DLG2: variants seen among roughly 807,000 people sequenced by gnomAD.
The protein encoded by DLG2 is discs large MAGUK scaffold protein 2.
In DLG2, 45 loss-of-function variants were observed where a neutral mutation model predicts 132.5. The observed-to-expected ratio is 0.34, with a 90% CI of 0.27 to 0.44. The LOEUF (loss-of-function observed/expected upper bound fraction) is 0.44, where lower values mean the gene tolerates loss of function less well. Among genes scored for constraint, DLG2 ranks in the 20% least tolerant of loss-of-function variants. The probability of loss-of-function intolerance (pLI) is 1.00; values close to 1 mark genes in which losing one functional copy is unlikely to be tolerated. For missense variants in DLG2, 1,045 were observed against 1,196.9 expected, an observed-to-expected ratio of 0.87 and a Z score of 1.87; for synonymous variants, 424 against 419.6, an observed-to-expected ratio of 1.01 and a Z score of -0.13.
intron 18 of DLG2, among the ~76,000 whole-genome samples, chr11:83,774,699 G>C (rs1180372756): frequency 1.3e-5 from 2 of 152,168 alleles, no homozygotes; most frequent in Non-Finnish European, 2.9e-5. Context: ...GGGCTGATTA[G>C]AGCAAAGGGC....
At chr11:85,535,671 A>T (rs2075532809) in intron 3 of DLG2, among the ~76,000 whole-genome samples, 1 of 152,200 alleles carries the variant, frequency 6.6e-6, no homozygotes, top group Non-Finnish European at 1.5e-5. Context: ...TCCACACAAA[A>T]ATCTGTACAC....
intron 6 of DLG2, among the ~76,000 whole-genome samples, chr11:84,976,069 A>C (rs2054856207): frequency 6.6e-6 from 1 of 152,172 alleles, no homozygotes; most frequent in Admixed American, 6.6e-5. Context: ...TGACTTAGCC[A>C]CATCTTTCTC....
At chr11:85,565,980 G>T (rs2077505899) in intron 3 of DLG2, among the ~76,000 whole-genome samples, 3 of 152,156 alleles carry the variant, frequency 2.0e-5, no homozygotes, top group South Asian at 4.2e-4. Flanking sequence ...TATGTATCAG[G>T]GTTCCAATTT....
intron 7 of DLG2, among the ~76,000 whole-genome samples, chr11:84,474,778 A>G (rs2099117235): frequency 1.3e-5 from 2 of 152,074 alleles, no homozygotes; most frequent in Admixed American, 1.3e-4. Context: ...TCCAATTTTT[A>G]AATCATAATC....
chr11:83,891,075 T>C lies in DLG2; in HGVS notation c.1497-16587A>G, dbSNP rs2069691862. ...AGGTAGAGATATCTCATTAAATAGA[T>C]ATTACAGTTTAATCTCAGAAGTCAG... On this transcript the variant is annotated intron_variant, in intron 15 of 27. Transcript: ENST00000376104. Among the ~76,000 whole-genome samples, 3 of 152,206 alleles carry C rather than the reference T, an allele frequency of 2.0e-5. 1 individual carries two copies. In the South Asian group the frequency reaches 6.2e-4, roughly 32 times the overall value.
chr11:85,079,015 G>A (rs2066901630), intron 6 of DLG2, among the ~76,000 whole-genome samples: 1 of 127,238 alleles, frequency 7.9e-6, no homozygotes, highest in African/African-American at 2.8e-5. Flanking sequence ...TTTCTTTTAT[G>A]TGTTTTAGGG....
intron 18 of DLG2, among the ~76,000 whole-genome samples, chr11:83,774,405 C>T (rs946713724): frequency 6.6e-6 from 1 of 152,102 alleles, no homozygotes; most frequent in Admixed American, 6.5e-5. Flanking sequence ...TGTACGCCTT[C>T]GTTTAATCCC....
At chr11:84,673,097 C>T (rs80006332) in intron 6 of DLG2, among the ~76,000 whole-genome samples, 3,909 of 152,088 alleles carry the variant, frequency 0.026, 173 homozygotes, top group African/African-American at 0.09. Flanking sequence ...TCCCACCAGG[C>T]CCCACCTCCA....
intron 11 of DLG2, among the ~76,000 whole-genome samples, chr11:84,036,169 A>T (rs956043694): frequency 6.6e-6 from 1 of 152,112 alleles, no homozygotes; most frequent in Admixed American, 6.6e-5. Flanking sequence ...ATACGGAGGT[A>T]CCAACACTGA....
intron 17 of DLG2, chr11:83,790,547 C>T (rs1222154001): frequency 5.5e-6 from 7 of 1,283,024 alleles, no homozygotes; most frequent in Non-Finnish European, 7.9e-6. Flanking sequence ...AATCAAAATT[C>T]AAATGACAGA....
intron 14 of DLG2, among the ~76,000 whole-genome samples, chr11:83,940,151 A>C (rs1038218327): frequency 1.3e-5 from 2 of 152,170 alleles, no homozygotes; most frequent in Non-Finnish European, 2.9e-5. Flanking sequence ...CTCTTTAGAG[A>C]AGGCTTTTTG....
chr11:83,507,375 C>T (rs1009172455), intron 21 of DLG2, among the ~76,000 whole-genome samples: 1 of 149,638 alleles, frequency 6.7e-6, no homozygotes, highest in Non-Finnish European at 1.5e-5. Context: ...TATTAGGGTT[C>T]TCTAGAGGGA....
chr11:84,902,115 G>A (rs1230586781), intron 6 of DLG2, among the ~76,000 whole-genome samples: 1 of 152,042 alleles, frequency 6.6e-6, no homozygotes, highest in Non-Finnish European at 1.5e-5. Flanking sequence ...TTCTTGGAAG[G>A]CAATTTTGTA....
intron 6 of DLG2, among the ~76,000 whole-genome samples, chr11:84,888,784 C>T (rs1330149020): frequency 1.3e-5 from 2 of 152,098 alleles, no homozygotes; most frequent in Admixed American, 1.3e-4. Context: ...GATGTCAACC[C>T]ATGTTGGCTG....
At chr11:85,066,616 G>A (rs1188982648) in intron 6 of DLG2, among the ~76,000 whole-genome samples, 1 of 151,550 alleles carries the variant, frequency 6.6e-6, no homozygotes, top group Non-Finnish European at 1.5e-5. Flanking sequence ...GTTTTATCCA[G>A]GGATGTAAGG....
At chr11:85,509,752 G>C (rs570072181) in intron 3 of DLG2, among the ~76,000 whole-genome samples, 48 of 152,174 alleles carry the variant, frequency 3.2e-4, no homozygotes, top group African/African-American at 1.1e-3. Flanking sequence ...TACTGGGATA[G>C]AGGTTAAAAA....
intron 6 of DLG2, among the ~76,000 whole-genome samples, chr11:84,871,395 G>A (rs544037140): frequency 6.6e-6 from 1 of 152,274 alleles, no homozygotes; most frequent in East Asian, 1.9e-4. Flanking sequence ...TAAAACTATA[G>A]TGGCTTAACA....
At chr11:83,596,262 T>C (rs2057560130) in intron 19 of DLG2, among the ~76,000 whole-genome samples, 1 of 152,138 alleles carries the variant, frequency 6.6e-6, no homozygotes, top group Non-Finnish European at 1.5e-5. Context: ...AAAAATAATT[T>C]TCCTCCCATA....
intron 16 of DLG2, among the ~76,000 whole-genome samples, chr11:83,842,195 G>T (rs1356878872): frequency 9.2e-5 from 14 of 152,162 alleles, no homozygotes; most frequent in Admixed American, 8.5e-4. Context: ...TACTCAGCTG[G>T]AGTCTCAGAG....
Sources: allele counts gnomAD v4.1 joint callset (sites outside exome capture counted in the v4.1 genomes callset), GRCh38; gene constraint gnomAD v4.1.1; transcripts MANE v1.5; gene names NCBI Gene and HGNC (gene_info 2026-07-23, HGNC 2026-07-21).